Variants in PARVB observed in about 807,000 individuals in gnomAD.
PARVB encodes the protein parvin beta, also known as beta-parvin.
Under a neutral mutation model 47.0 loss-of-function variants are expected in PARVB, and 46 were observed. That is an observed-to-expected ratio of 0.98 (90% CI 0.77 to 1.25). The LOEUF (loss-of-function observed/expected upper bound fraction) is 1.25. PARVB is among the 50% of genes most tolerant of loss of function. PARVB has a pLI of 0.00. For missense variants in PARVB, 473 were observed against 471.6 expected (o/e 1.00, Z -0.03); for synonymous variants, 196 against 196.3 (o/e 1.00, Z 0.01).
chr22:44,023,338 G>C (rs781052078), upstream of PARVB, among the ~76,000 whole-genome samples: 2 of 151,296 alleles, frequency 1.3e-5, no homozygotes, highest in Non-Finnish European at 2.9e-5. Context: ...TGGCAAAACC[G>C]CATCTCTACT....
At chr22:44,070,928 G>A (rs1044086494) in intron 1 of PARVB, among the ~76,000 whole-genome samples, 3 of 152,146 alleles carry the variant, frequency 2.0e-5, no homozygotes, top group Admixed American at 6.5e-5. Context: ...AGGCTTATTC[G>A]AAGTCAGTGG....
At chr22:44,092,344 C>T (rs927137265) in intron 1 of PARVB, among the ~76,000 whole-genome samples, 20 of 152,274 alleles carry the variant, frequency 1.3e-4, no homozygotes, top group Admixed American at 9.2e-4. Context: ...CTCTTGACCT[C>T]GTGATCCACC....
In PARVB at chr22:44,170,380, C is replaced by T. The variant is rs1205706969; in HGVS notation, c.*1702C>T. On this transcript the variant is annotated 3_prime_UTR_variant, in exon 13 of 13. Transcript: ENST00000338758. ...TGACCTCATTTAATCTTGATTACCTCCATAAAGACCCTGTCTCCAAATACC... is the reference window on the plus strand; with the variant it reads ...TGACCTCATTTAATCTTGATTACCTTCATAAAGACCCTGTCTCCAAATACC... 6.6e-6 allele frequency: 1 copy of T among 152,120 alleles called. No homozygotes were observed. The highest frequency in any genetic ancestry group is 1.5e-5 in the Non-Finnish European group (1 of 68,004). The allele number at this position is 152,120 out of a possible 1,614,324, so 9.4% of individuals were successfully genotyped here.
intron 1 of PARVB, among the ~76,000 whole-genome samples, chr22:44,061,292 A>G (rs1260537184): frequency 6.6e-6 from 1 of 152,088 alleles, no homozygotes; most frequent in African/African-American, 2.4e-5. Flanking sequence ...TTAGCTGGGC[A>G]TGGTGGTGTG....
intron 9 of PARVB, chr22:44,148,201 T>A (rs2053728862): frequency 4.2e-6 from 2 of 479,610 alleles, no homozygotes; most frequent in Non-Finnish European, 7.7e-6. Context: ...CGAGACCTTT[T>A]TTCAATGTGG....
At chr22:44,106,118 T>C (rs1698864503) in intron 3 of PARVB, 1 of 150,932 alleles carries the variant, frequency 6.6e-6, no homozygotes. Context: ...GCGTGAGCCA[T>C]TGCATGCCCA....
At chr22:44,159,650 T>A (rs1389622735) in intron 11 of PARVB, among the ~76,000 whole-genome samples, 2 of 152,136 alleles carry the variant, frequency 1.3e-5, no homozygotes, top group East Asian at 3.8e-4. Flanking sequence ...AGCCCCTGCC[T>A]TTTTTCCCTT....
In PARVB at chr22:44,164,414, C is replaced by CCCG. The variant is rs1555913782; in HGVS notation, c.1018+486_1018+487insGCC. On this transcript the variant is annotated intron_variant, in intron 12 of 12. Transcript: ENST00000338758. ...GGCGGGCGGTTGCTTCCCTGTCCCC[C>CCCG]CCCCGGCTCCTGTGCCAAGTTACCT... 2.7e-4 allele frequency among the ~76,000 whole-genome samples: 40 copies of CCCG among 146,440 alleles called. 1 individual carries two copies. Among genetic ancestry groups the CCCG allele is most frequent in the East Asian group, 6.0e-4 (3 of 5,042 alleles).
At chr22:44,006,408 G>A (rs554753231) in intron 2 of PARVB, among the ~76,000 whole-genome samples, 1 of 152,296 alleles carries the variant, frequency 6.6e-6, no homozygotes, top group Admixed American at 6.5e-5. Context: ...GGCAGATCAC[G>A]GGGTCAGGAG....
At chr22:44,104,088 C>T (rs2052514104) in intron 3 of PARVB, 1 of 152,234 alleles carries the variant, frequency 6.6e-6, no homozygotes, top group South Asian at 2.1e-4. Flanking sequence ...GCCCTGGCCA[C>T]TGGGGCCAGG....
At chr22:44,005,012 C>A (rs948530926) in intron 2 of PARVB, among the ~76,000 whole-genome samples, 7 of 152,196 alleles carry the variant, frequency 4.6e-5, no homozygotes, top group African/African-American at 1.7e-4. Flanking sequence ...TGCTTATGAG[C>A]CTTGAAAACA....
Position 44,168,888 on chromosome 22 carries a change from G to A in PARVB, c.*210G>A, listed in dbSNP as rs1008773131. 3.0e-5 allele frequency: 16 copies of A among 539,688 alleles called. No individual in the cohort carries two copies. Among genetic ancestry groups the A allele is most frequent in the Admixed American group, 1.3e-4 (4 of 30,466 alleles). 33.4% of individuals were successfully genotyped at this position (539,688 alleles called of 1,614,324 possible). A position where few individuals can be genotyped will look rare whatever the true frequency, so the allele number is the denominator to read the frequency against. The stretch of plus-strand genomic sequence containing the variant: ...TCTCCTCTCCATGTAGTTCCCAGTG[G>A]GCAAGAGCCTTTGAAAATGCAGGAT... On this transcript the variant is annotated 3_prime_UTR_variant, in exon 13 of 13. Coordinates refer to ENST00000338758, the MANE Select transcript of PARVB (RefSeq NM_013327.5).
At chr22:44,122,453 T>A (rs2053067914) in intron 4 of PARVB, among the ~76,000 whole-genome samples, 1 of 144,828 alleles carries the variant, frequency 6.9e-6, no homozygotes, top group African/African-American at 2.6e-5. Context: ...ACCACTACAT[T>A]CCAGCCTAGG....
At chr22:44,123,502 T>C (rs1443530605) in intron 4 of PARVB, among the ~76,000 whole-genome samples, 1 of 152,196 alleles carries the variant, frequency 6.6e-6, no homozygotes, top group Non-Finnish European at 1.5e-5. Flanking sequence ...CAGCTTCCAC[T>C]TCCTGGGCTC....
At chr22:44,032,196 C>G (rs1453109329) in intron 1 of PARVB, among the ~76,000 whole-genome samples, 1 of 152,168 alleles carries the variant, frequency 6.6e-6, no homozygotes, top group African/African-American at 2.4e-5. Flanking sequence ...ATACCTCAGG[C>G]TGACATATTC....
intron 12 of PARVB, 31 bp downstream of exon 12, chr22:44,163,961 GA>G (rs746083002): frequency 3.2e-6 from 5 of 1,576,904 alleles, no homozygotes; most frequent in South Asian, 2.3e-5. Context: ...TCCCCCGGGA[GA>G]GGTGCGCACG....
chr22:44,117,301 G>A lies in PARVB; in HGVS notation c.274-1737G>A, dbSNP rs992320000. 3.9e-5 allele frequency among the ~76,000 whole-genome samples: 6 copies of A among 151,986 alleles called. No homozygotes were observed. In the South Asian group the frequency reaches 1.0e-3, roughly 26 times the overall value. On this transcript the variant is annotated intron_variant, in intron 3 of 12. Coordinates refer to ENST00000338758, the MANE Select transcript of PARVB (RefSeq NM_013327.5). The stretch of plus-strand genomic sequence containing the variant: ...GGCATGCATCATGTAAGGGTCAGGG[G>A]AGTCAGGGAGGATCCCCCAAAGGAG...
At chr22:44,156,740 A>T (rs2053943725) in intron 10 of PARVB, among the ~76,000 whole-genome samples, 1 of 152,248 alleles carries the variant, frequency 6.6e-6, no homozygotes, top group Non-Finnish European at 1.5e-5. Context: ...AATTTAAATT[A>T]ATTAAAGAGA....
At chr22:44,141,214 GC>G (rs1193507892) in intron 8 of PARVB, 4 of 153,014 alleles carry the variant, frequency 2.6e-5, no homozygotes, top group African/African-American at 9.7e-5. Context: ...GGATGCCATT[GC>G]TGCTTATCTA....
Sources: gnomAD v4.1 joint callset for allele counts (sites outside exome capture counted in the v4.1 genomes callset) on GRCh38, gnomAD v4.1.1 for gene constraint, MANE v1.5 for transcripts, NCBI Gene and HGNC (gene_info 2026-07-23, HGNC 2026-07-21) for gene names.